GPR39: variants seen among roughly 807,000 people sequenced by gnomAD.
GPR39 encodes the protein zinc sensing receptor.
In GPR39, 23 loss-of-function variants were observed where a neutral mutation model predicts 18.4. That is an observed-to-expected ratio of 1.25 (90% confidence interval 0.90 to 1.77). The LOEUF is 1.77. Ranked by LOEUF, GPR39 falls within the 40% of genes most tolerant of loss-of-function variation. GPR39 has a pLI of 0.00. For synonymous variants in GPR39, 280 were observed against 257.9 expected (o/e 1.09, Z -0.82); for missense variants, 647 against 602.4 (o/e 1.07, Z -0.78).
chr2:132,586,694 G>A (rs533072664), intron 1 of GPR39, among the ~76,000 whole-genome samples: 1 of 152,302 alleles, frequency 6.6e-6, no homozygotes, highest in South Asian at 2.1e-4. Flanking sequence ...CTTATAATTA[G>A]AGATATTCTA....
At chr2:132,532,320 A>G (rs1248526143) in intron 1 of GPR39, among the ~76,000 whole-genome samples, 3 of 152,258 alleles carry the variant, frequency 2.0e-5, no homozygotes, top group African/African-American at 7.2e-5. Flanking sequence ...TGGATAGACC[A>G]ACAACAGGCT....
At chr2:132,486,721 G>T (rs1219124286) in intron 1 of GPR39, among the ~76,000 whole-genome samples, 1 of 152,158 alleles carries the variant, frequency 6.6e-6, no homozygotes, top group Admixed American at 6.5e-5. Flanking sequence ...TTAGGCTTTG[G>T]GTTAAGGGAA....
chr2:132,572,537 TA>T (rs34493979), intron 1 of GPR39, among the ~76,000 whole-genome samples: 2,633 of 132,724 alleles, frequency 0.02, 30 homozygotes, highest in Non-Finnish European at 0.02. Context: ...TAGAAGAGAT[TA>T]AAAAAAAAAA....
chr2:132,491,540 G>A (rs1022428069), intron 1 of GPR39, among the ~76,000 whole-genome samples: 1 of 152,002 alleles, frequency 6.6e-6, no homozygotes, highest in African/African-American at 2.4e-5. Flanking sequence ...GGGTGTAGGA[G>A]TGATTGGTGG....
At chr2:132,563,019 C>G (rs1558840831) in intron 1 of GPR39, among the ~76,000 whole-genome samples, 2 of 152,192 alleles carry the variant, frequency 1.3e-5, no homozygotes, top group African/African-American at 2.4e-5. Flanking sequence ...TTTGCTGCCA[C>G]AGGGAAGGTG....
At chr2:132,544,417 G>A (rs1384760997) in intron 1 of GPR39, among the ~76,000 whole-genome samples, 1 of 152,214 alleles carries the variant, frequency 6.6e-6, no homozygotes, top group African/African-American at 2.4e-5. Context: ...ATCAGCCCAG[G>A]CCAGCTGGAT....
At chr2:132,480,020 G>A (rs1229179549) in intron 1 of GPR39, among the ~76,000 whole-genome samples, 2 of 152,164 alleles carry the variant, frequency 1.3e-5, no homozygotes, top group Non-Finnish European at 2.9e-5. Flanking sequence ...AGAGATGGAA[G>A]CAACCCAAAT....
intron 1 of GPR39, among the ~76,000 whole-genome samples, chr2:132,604,277 C>T (rs1172683556): frequency 3.3e-5 from 5 of 152,070 alleles, no homozygotes; most frequent in Non-Finnish European, 4.4e-5. Flanking sequence ...ATGTCTATCC[C>T]CTTGCCAGAA....
At chr2:132,437,453 G>A (rs767936654) in intron 1 of GPR39, among the ~76,000 whole-genome samples, 1 of 152,122 alleles carries the variant, frequency 6.6e-6, no homozygotes, top group East Asian at 1.9e-4. Context: ...GGGGAGGGTC[G>A]TGGAGACCAG....
At chr2:132,591,406 A>T (rs1040674412) in intron 1 of GPR39, among the ~76,000 whole-genome samples, 2 of 151,672 alleles carry the variant, frequency 1.3e-5, no homozygotes, top group Non-Finnish European at 2.9e-5. Flanking sequence ...GGTCTCCTGG[A>T]CTTACACCAG....
chr2:132,452,943 A>G (rs1680656779), intron 1 of GPR39, among the ~76,000 whole-genome samples: 1 of 152,272 alleles, frequency 6.6e-6, no homozygotes, highest in South Asian at 2.1e-4. Context: ...ATAAACATAC[A>G]TGTGCATGTG....
chr2:132,645,452 G>A lies in GPR39; in HGVS notation c.1208G>A (p.Arg403Lys). The A allele has an allele frequency of 3.7e-6, 6 of 1,613,318 alleles. No individual in the cohort carries two copies. The highest frequency in any genetic ancestry group is 5.1e-6 in the Non-Finnish European group (6 of 1,179,996). Residue 403 changes from arginine to lysine, a missense_variant, in exon 2 of 2, where the codon AGG (arginine) becomes AAG (lysine). Coordinates refer to ENST00000329321, the MANE Select transcript of GPR39 (RefSeq NM_001508.3). ...GCGTCCCGGCGCCAGTCCTCTGCAA[G>A]GAGAACTGAGAAGATTTTCTTAAGC... ...LFASRRQSSA[R>K]RTEKIFLSTF...
intron 1 of GPR39, among the ~76,000 whole-genome samples, chr2:132,514,355 C>G (rs1423620246): frequency 6.6e-6 from 1 of 152,224 alleles, no homozygotes; most frequent in Non-Finnish European, 1.5e-5. Flanking sequence ...ACTGTACACC[C>G]TCACCATTGC....
At chr2:132,567,195 G>A (rs566670235) in intron 1 of GPR39, among the ~76,000 whole-genome samples, 17 of 152,312 alleles carry the variant, frequency 1.1e-4, no homozygotes, top group African/African-American at 4.1e-4. Flanking sequence ...GGCGGCACAT[G>A]CCTGTAATCT....
intron 1 of GPR39, among the ~76,000 whole-genome samples, chr2:132,506,792 A>G (rs1679142408): frequency 6.6e-6 from 1 of 152,170 alleles, no homozygotes; most frequent in African/African-American, 2.4e-5. Context: ...ATTCAAGATG[A>G]GACTTGGGTA....
chr2:132,445,785 A>T lies in GPR39; in HGVS notation c.856+27887A>T, dbSNP rs144402957. 8.2e-3 allele frequency among the ~76,000 whole-genome samples: 1,243 copies of T among 152,292 alleles called. 18 individuals are homozygous for T. The highest frequency in any genetic ancestry group is 0.028 in the African/African-American group (1,160 of 41,548). Reference sequence around the variant, plus strand: ...GGAAATGATGATCTGCCTTCTAGAAACACATTAGGGTAAACAGTAGACACT... The same window carrying T: ...GGAAATGATGATCTGCCTTCTAGAATCACATTAGGGTAAACAGTAGACACT... On this transcript the variant is annotated intron_variant, in intron 1 of 1. Coordinates refer to ENST00000329321, the MANE Select transcript of GPR39 (RefSeq NM_001508.3).
chr2:132,598,431 C>CCTTTTTTTTT (rs369514635), intron 1 of GPR39, among the ~76,000 whole-genome samples: 1 of 90,460 alleles, frequency 1.1e-5, no homozygotes, highest in Non-Finnish European at 2.1e-5. Flanking sequence ...CTAAGGTGAA[C>CCTTTTTTTTT]TTTTTTTTTT....
At chr2:132,632,058 C>T (rs764414280) in intron 1 of GPR39, among the ~76,000 whole-genome samples, 36 of 151,998 alleles carry the variant, frequency 2.4e-4, no homozygotes, top group Non-Finnish European at 3.2e-4. Context: ...TAACCTCAAG[C>T]GATCTGCCCT....
At chr2:132,535,262 T>G (rs151170919) in intron 1 of GPR39, among the ~76,000 whole-genome samples, 60 of 152,236 alleles carry the variant, frequency 3.9e-4, no homozygotes, top group African/African-American at 1.4e-3. Flanking sequence ...TTGTTGAGAG[T>G]TTTTAACGTG....
Sources: gnomAD v4.1 joint callset for allele counts (sites outside exome capture counted in the v4.1 genomes callset) on GRCh38, gnomAD v4.1.1 for gene constraint, MANE v1.5 for transcripts, NCBI Gene and HGNC (gene_info 2026-07-23, HGNC 2026-07-21) for gene names.